The following ZNF600 variants were observed in gnomAD, a reference collection of about 807,000 sequenced individuals.
ZNF600 encodes the protein zinc finger protein 600, also known as zinc finger protein KR-ZNF1.
In ZNF600, 4 loss-of-function variants were observed where a neutral mutation model predicts 7.3. The observed-to-expected ratio is 0.55, with a 90% CI of 0.27 to 1.25. ZNF600 has a LOEUF of 1.25. Among genes scored for constraint, ZNF600 ranks in the 50% most tolerant of loss-of-function variants. The pLI is 0.12. For synonymous variants in ZNF600, 290 were observed against 308.9 expected (o/e 0.94, Z 0.64); for missense variants, 911 against 922.1 (o/e 0.99, Z 0.16).
the ZNF600 span, among the ~76,000 whole-genome samples, chr19:52,831,426 C>T: frequency 1.3e-5 from 2 of 152,086 alleles, no homozygotes; most frequent in African/African-American, 4.8e-5. Context: ...TCTCTTGCCT[C>T]AGCCTCCCGA....
intron 3 of ZNF600, among the ~76,000 whole-genome samples, chr19:52,773,827 C>T (rs1425076057): frequency 6.6e-6 from 1 of 151,634 alleles, no homozygotes; most frequent in African/African-American, 2.4e-5. Context: ...GCTGAGATTG[C>T]ACCACTGCAC....
At chr19:52,766,974 A>C (rs780773420) in exon 4 of ZNF600, 1 of 1,614,186 alleles carries the variant, frequency 6.2e-7, no homozygotes, top group Non-Finnish European at 8.5e-7. Flanking sequence ...ATGAATTACA[A>C]GGGCTGAATT....
At chr19:52,775,289 C>G (rs2062665348) in intron 2 of ZNF600, among the ~76,000 whole-genome samples, 1 of 151,986 alleles carries the variant, frequency 6.6e-6, no homozygotes, top group Non-Finnish European at 1.5e-5. Context: ...CAGTGACTGT[C>G]ACCTGTAATC....
intron 1 of ZNF600, among the ~76,000 whole-genome samples, chr19:52,785,690 C>T (rs565351775): frequency 6.6e-6 from 1 of 152,236 alleles, no homozygotes; most frequent in Admixed American, 6.5e-5. Context: ...CCTCTGTCCC[C>T]ACTCTCCAGC....
At chr19:52,800,822 G>C in the ZNF600 span, 7 of 1,613,824 alleles carry the variant, frequency 4.3e-6, no homozygotes, top group Non-Finnish European at 5.9e-6. Flanking sequence ...GTTTTGCTAG[G>C]TATGAATTAC....
chr19:52,786,686 G>A (rs529473491), exon 1 of ZNF600: 1 of 244,750 alleles, frequency 4.1e-6, no homozygotes, highest in South Asian at 3.6e-5. Flanking sequence ...GAAGCGCCGG[G>A]GACCTGGGAA....
At chr19:52,832,682 C>A in the ZNF600 span, among the ~76,000 whole-genome samples, 7 of 152,122 alleles carry the variant, frequency 4.6e-5, no homozygotes, top group African/African-American at 1.7e-4. Flanking sequence ...GTGGGGATTA[C>A]TTGAGCCAAG....
In ZNF600 at chr19:52,776,081, A is replaced by ATGTGCTATACT. The variant is rs60939217; in HGVS notation, c.64-1381_64-1380insAGTATAGCACA. ...TGACTAACATTTTTGAATGCTTCCC[A>ATGTGCTATACT]CTGTTCTAAGTGCTTCCCATGTCTT... is the stretch of plus-strand genomic sequence containing the variant. On this transcript the variant is annotated intron_variant, in intron 2 of 3. Coordinates refer to ENST00000648973, the Ensembl canonical transcript of ZNF600. Among the ~76,000 whole-genome samples the ATGTGCTATACT allele has an allele frequency of 5.0e-5, 6 of 119,444 alleles. 1 individual carries two copies. Among genetic ancestry groups the ATGTGCTATACT allele is most frequent in the Non-Finnish European group, 1.1e-4 (6 of 56,366 alleles). The allele number at this position is 119,444 out of a possible 152,430, so 78.4% of individuals were successfully genotyped here. A position where few individuals can be genotyped will look rare whatever the true frequency, so the allele number is the denominator to read the frequency against.
chr19:52,787,882 AAGAAAAAG>A (rs375622027), upstream of ZNF600, among the ~76,000 whole-genome samples: 2,438 of 118,542 alleles, frequency 0.021, 78 homozygotes, highest in Non-Finnish European at 0.038. Flanking sequence ...GAAAAAGAAA[AAGAAAAAG>A]AAATATCTCC....
At chr19:52,773,126 G>GA (rs1568628904) in intron 3 of ZNF600, among the ~76,000 whole-genome samples, 5 of 145,346 alleles carry the variant, frequency 3.4e-5, no homozygotes, top group African/African-American at 1.3e-4. Context: ...ATCATGTGAG[G>GA]CAAGGCCAGG....
At chr19:52,770,678 A>T (rs769744180) in intron 3 of ZNF600, among the ~76,000 whole-genome samples, 1 of 152,204 alleles carries the variant, frequency 6.6e-6, no homozygotes, top group African/African-American at 2.4e-5. Context: ...AATATGATGT[A>T]TGTTCCCTGG....
At chr19:52,790,378 C>T (rs12461647), upstream of ZNF600, among the ~76,000 whole-genome samples, 132,512 of 152,108 alleles carry the variant, frequency 0.87, 57,990 homozygotes, top group East Asian at 0.93. Flanking sequence ...ACACCTTTAG[C>T]CCCAGCTACT....
the ZNF600 span, among the ~76,000 whole-genome samples, chr19:52,792,062 A>AT: frequency 6.6e-6 from 1 of 152,240 alleles, no homozygotes; most frequent in African/African-American, 2.4e-5. Context: ...CAAAAGCTCT[A>AT]TTTGAAAAAT....
At chr19:52,778,741 A>G (rs2062696480) in intron 2 of ZNF600, 85 bp downstream of exon 4, 13 of 1,511,774 alleles carry the variant, frequency 8.6e-6, no homozygotes, top group Non-Finnish European at 1.1e-5. Flanking sequence ...AAAATTCTTC[A>G]AACTCAGAAA....
chr19:52,794,682 C>T, the ZNF600 span, among the ~76,000 whole-genome samples: 1 of 151,996 alleles, frequency 6.6e-6, no homozygotes, highest in African/African-American at 2.4e-5. Context: ...GGTGAAACCG[C>T]GTCTCTACCA....
upstream of ZNF600, among the ~76,000 whole-genome samples, chr19:52,787,954 T>G (rs1027148720): frequency 6.6e-6 from 1 of 152,084 alleles, no homozygotes; most frequent in Non-Finnish European, 1.5e-5. Flanking sequence ...CAGATACCAG[T>G]GCATACATTA....
the ZNF600 span, chr19:52,799,408 C>T: frequency 2.9e-5 from 19 of 656,394 alleles, no homozygotes; most frequent in East Asian, 8.3e-5. Context: ...GATTTGCAAC[C>T]GAAAACTTTG....
chr19:52,794,455 C>G, the ZNF600 span, among the ~76,000 whole-genome samples: 1 of 152,128 alleles, frequency 6.6e-6, no homozygotes, highest in African/African-American at 2.4e-5. Context: ...AGACACTTCA[C>G]CAAGTTATCC....
At chr19:52,807,746 A>G in the ZNF600 span, 5 of 567,622 alleles carry the variant, frequency 8.8e-6, no homozygotes, top group Non-Finnish European at 1.5e-5. Flanking sequence ...AGGTGCTGGG[A>G]TAACAGGCGT....
Sources: gnomAD v4.1 joint callset for allele counts (sites outside exome capture counted in the v4.1 genomes callset) on GRCh38, gnomAD v4.1.1 for gene constraint, MANE v1.5 for transcripts, NCBI Gene and HGNC (gene_info 2026-07-23, HGNC 2026-07-21) for gene names.